KIF2A: variants seen among roughly 807,000 people sequenced by gnomAD.
KIF2A encodes the protein kinesin family member 2A.
Under a neutral mutation model 100.2 loss-of-function variants are expected in KIF2A, and 22 were observed. That is an observed-to-expected ratio of 0.22 (90% CI 0.16 to 0.31). KIF2A has a LOEUF of 0.31. Ranked by LOEUF, KIF2A falls within the 10% of genes least tolerant of loss-of-function variation. The probability of loss-of-function intolerance (pLI) is 1.00; values close to 1 mark genes in which losing one functional copy is unlikely to be tolerated. For synonymous variants in KIF2A, 268 were observed against 285.9 expected, an observed-to-expected ratio of 0.94 and a Z score of 0.63; for missense variants, 495 against 898.7, an observed-to-expected ratio of 0.55 and a Z score of 5.74.
intron 18 of KIF2A, 58 bp from the exon 19 acceptor site, chr5:62,377,601 ACT>A: frequency 1.1e-6 from 1 of 896,406 alleles, no homozygotes; most frequent in South Asian, 2.4e-5. Flanking sequence ...AAAAAAAACT[ACT>A]TTTATAACAT....
chr5:62,307,723 T>C (rs1216881495), intron 1 of KIF2A, among the ~76,000 whole-genome samples: 2 of 152,000 alleles, frequency 1.3e-5, no homozygotes, highest in South Asian at 4.2e-4. Context: ...GTTGAAGCTA[T>C]TCTTGTGCCT....
rs758696942 is a variant in KIF2A at position 62,388,928 on chromosome 5, G to T, written c.*3359G>T. 38 of 1,320,338 alleles carry T rather than the reference G, an allele frequency of 2.9e-5. No homozygotes were observed. The highest frequency in any genetic ancestry group is 4.0e-5 in the Non-Finnish European group (37 of 933,486). 81.8% of individuals were successfully genotyped at this position (1,320,338 alleles called of 1,614,324 possible). On this transcript the variant is annotated 3_prime_UTR_variant, in exon 21 of 21. Coordinates refer to ENST00000407818, the MANE Select transcript of KIF2A (RefSeq NM_001098511.3). ...GTCAAGTAAATAATGTCTCAGTAAA[G>T]CAAAAGCATTATCTTCTCAAATACA...
rs3776615 is a variant in KIF2A, at chr5:62,347,989, G to A, written c.160-59G>A. On this transcript the variant is annotated intron_variant, in intron 2 of 20. Coordinates refer to ENST00000407818, the MANE Select transcript of KIF2A (RefSeq NM_001098511.3). ...TTTACTTCATCAATTTACTTGAAAA[G>A]TAAAAGGTTAATTGTCAAAATATAC... is the stretch of plus-strand genomic sequence containing the variant. The A allele has an allele frequency of 0.43, 667,442 of 1,550,174 alleles. 147,794 individuals are homozygous for A. Among genetic ancestry groups the A allele is most frequent in the African/African-American group, 0.65 (46,790 of 72,538 alleles).
At chr5:62,373,859 A>C in intron 18 of KIF2A, 22 bp downstream of exon 18, 1 of 1,565,546 alleles carries the variant, frequency 6.4e-7, no homozygotes. Context: ...ATGGTTGTAA[A>C]TGTTATAATC....
chr5:62,335,494 G>T (rs755265074), intron 1 of KIF2A, among the ~76,000 whole-genome samples: 4 of 152,160 alleles, frequency 2.6e-5, no homozygotes, highest in African/African-American at 9.7e-5. Context: ...GTTTGTTCAG[G>T]TGGCCCTTGA....
Position 62,386,471 on chromosome 5 carries a change from A to G in KIF2A, c.*902A>G, listed in dbSNP as rs557169163. The stretch of plus-strand genomic sequence containing the variant: ...AGACTAATAGTGCAGTTTGATCCTT[A>G]CCAATATCATTACTTAATTTGAAGT... On this transcript the variant is annotated 3_prime_UTR_variant, in exon 21 of 21. Transcript: ENST00000407818. The G allele has an allele frequency of 3.7e-4, 56 of 152,350 alleles. 1 individual carries two copies. Among genetic ancestry groups the G allele is most frequent in the African/African-American group, 1.3e-3 (52 of 41,578 alleles). The allele number at this position is 152,350 out of a possible 1,614,324, so 9.4% of individuals were successfully genotyped here. A position where few individuals can be genotyped will look rare whatever the true frequency, so the allele number is the denominator to read the frequency against.
In KIF2A at chr5:62,363,692, T is replaced by C; in HGVS notation, c.1263-3T>C. 1 of 1,612,294 alleles carries C rather than the reference T, an allele frequency of 6.2e-7. No individual in the cohort carries two copies. Among genetic ancestry groups the C allele is most frequent in the South Asian group, 1.1e-5 (1 of 91,026 alleles). On this transcript the variant is annotated splice_region_variant and splice_polypyrimidine_tract_variant and intron_variant, in intron 13 of 20. Transcript: ENST00000407818. ...TATCAAGATGTCCTTAATCACATTG[T>C]AGAACATCCGGTCAAACATCTGCAA...
At chr5:62,331,175 G>A (rs536828156) in intron 1 of KIF2A, among the ~76,000 whole-genome samples, 2 of 151,758 alleles carry the variant, frequency 1.3e-5, no homozygotes, top group Admixed American at 1.3e-4. Context: ...ACTTTGGGAG[G>A]CCAAGGCAGG....
intron 17 of KIF2A, 48 bp downstream of exon 17, chr5:62,372,599 G>A: frequency 9.5e-7 from 1 of 1,056,564 alleles, no homozygotes; most frequent in Non-Finnish European, 1.4e-6. Flanking sequence ...ACTTTCTTTT[G>A]AATTGTGCTT....
At chr5:62,330,555 C>T (rs1746580250) in intron 1 of KIF2A, among the ~76,000 whole-genome samples, 1 of 152,138 alleles carries the variant, frequency 6.6e-6, no homozygotes, top group Admixed American at 6.5e-5. Context: ...CTTCTGGAAA[C>T]AACATTGTTC....
intron 1 of KIF2A, among the ~76,000 whole-genome samples, chr5:62,334,676 G>A (rs748296741): frequency 2.6e-5 from 4 of 152,110 alleles, no homozygotes; most frequent in East Asian, 1.9e-4. Context: ...AGGTCCAGCC[G>A]ATGCCAGAAG....
At chr5:62,309,477 G>A (rs1447578330) in intron 1 of KIF2A, among the ~76,000 whole-genome samples, 1 of 152,212 alleles carries the variant, frequency 6.6e-6, no homozygotes, top group Non-Finnish European at 1.5e-5. Flanking sequence ...AGAAATTGAT[G>A]TCTGGGAGAA....
chr5:62,308,377 C>A lies in KIF2A; in HGVS notation c.64+1841C>A, dbSNP rs4700006. On this transcript the variant is annotated intron_variant, in intron 1 of 20. Coordinates refer to ENST00000407818, the MANE Select transcript of KIF2A (RefSeq NM_001098511.3). ...TATTATTTTGAAGATTCTGGGTGCA[C>A]AGCAACACCTGTCCCTGGTATACAC... 837,216 of 1,478,328 alleles carry A rather than the reference C, an allele frequency of 0.57. 241,341 individuals are homozygous for A. Among genetic ancestry groups the A allele is most frequent in the South Asian group, 0.65 (51,662 of 79,846 alleles). 91.6% of individuals were successfully genotyped at this position (1,478,328 alleles called of 1,614,324 possible).
chr5:62,322,869 T>C (rs2111814579), intron 1 of KIF2A, among the ~76,000 whole-genome samples: 1 of 146,268 alleles, frequency 6.8e-6, no homozygotes, highest in African/African-American at 2.5e-5. Flanking sequence ...TTTGGGTTTT[T>C]TTTTTTAATG....
intron 6 of KIF2A, among the ~76,000 whole-genome samples, chr5:62,354,394 T>C (rs1747997132): frequency 6.6e-6 from 1 of 152,120 alleles, no homozygotes; most frequent in South Asian, 2.1e-4. Context: ...CAGTTTGTAA[T>C]TTAGTTGCAT....
At chr5:62,379,177 A>G (rs1219532612) in intron 19 of KIF2A, among the ~76,000 whole-genome samples, 1 of 152,098 alleles carries the variant, frequency 6.6e-6, no homozygotes, top group African/African-American at 2.4e-5. Context: ...AAAGACCATC[A>G]TTTCCCACTC....
At chr5:62,348,716 C>T (rs959222525) in intron 3 of KIF2A, among the ~76,000 whole-genome samples, 4 of 152,144 alleles carry the variant, frequency 2.6e-5, no homozygotes, top group African/African-American at 9.7e-5. Context: ...ATTCTCCTTC[C>T]TTTCTCTCAA....
Position 62,358,436 on chromosome 5 carries a change from G to GTA in KIF2A, c.872+138_872+139dup, listed in dbSNP as rs1325191205. On this transcript the variant is annotated intron_variant, in intron 9 of 20. Coordinates refer to ENST00000407818, the MANE Select transcript of KIF2A (RefSeq NM_001098511.3). ...TATTCTGAGTTTAAACAAAGAGAAT[G>GTA]TAATAAATGCTGTAATGAATATTAA... The GTA allele has an allele frequency of 1.4e-5, 8 of 574,128 alleles. No individual in the cohort carries two copies. The African/African-American group carries it at 1.5e-4, about 11-fold the overall frequency. 35.6% of individuals were successfully genotyped at this position (574,128 alleles called of 1,614,324 possible).
intron 1 of KIF2A, among the ~76,000 whole-genome samples, chr5:62,322,981 G>A (rs1215598236): frequency 3.5e-5 from 5 of 144,154 alleles, no homozygotes; most frequent in Non-Finnish European, 7.5e-5. Context: ...AGAAAGCCGG[G>A]CGCAGTGACT....
Sources: gnomAD v4.1 joint callset for allele counts (sites outside exome capture counted in the v4.1 genomes callset) on GRCh38, gnomAD v4.1.1 for gene constraint, MANE v1.5 for transcripts, NCBI Gene and HGNC (gene_info 2026-07-23, HGNC 2026-07-21) for gene names.